GRXCR1: variants seen among roughly 807,000 people sequenced by gnomAD.
The protein encoded by GRXCR1 is glutaredoxin domain-containing cysteine-rich protein 1.
GRXCR1 carries 27 observed loss-of-function variants against 27.3 expected under a neutral mutation model. The ratio of observed to expected loss-of-function variants is 0.99; its 90% CI spans 0.73 to 1.37. The LOEUF is 1.37. Ranked by LOEUF, GRXCR1 falls within the 40% of genes most tolerant of loss-of-function variation. The pLI is 0.00. For synonymous variants in GRXCR1, 122 were observed against 131.1 expected, an observed-to-expected ratio of 0.93 and a Z score of 0.47; for missense variants, 379 against 354.4, an observed-to-expected ratio of 1.07 and a Z score of -0.56.
intron 1 of GRXCR1, among the ~76,000 whole-genome samples, chr4:42,905,375 GGATTGATTTT>G (rs1746561827): frequency 6.6e-6 from 1 of 152,100 alleles, no homozygotes; most frequent in Non-Finnish European, 1.5e-5. Context: ...GTAATTGCCT[GGATTGATTTT>G]TAATACCTTT....
intron 2 of GRXCR1, among the ~76,000 whole-genome samples, chr4:42,974,576 C>T (rs73240031): frequency 0.034 from 5,112 of 152,098 alleles, 123 homozygotes; most frequent in Non-Finnish European, 0.052. Flanking sequence ...AACTTCTTTC[C>T]TGATTAATTT....
chr4:43,004,963 T>A (rs963684451), intron 2 of GRXCR1, among the ~76,000 whole-genome samples: 7 of 152,146 alleles, frequency 4.6e-5, no homozygotes, highest in Admixed American at 1.3e-4. Context: ...AGGGGTGGAA[T>A]GACATGGTTT....
At chr4:42,951,318 A>G (rs1747877692) in intron 1 of GRXCR1, among the ~76,000 whole-genome samples, 1 of 152,214 alleles carries the variant, frequency 6.6e-6, no homozygotes, top group South Asian at 2.1e-4. Context: ...CATCTCTTCC[A>G]GAAACACCCT....
chr4:42,916,639 G>A (rs73240017), intron 1 of GRXCR1, among the ~76,000 whole-genome samples: 17 of 151,934 alleles, frequency 1.1e-4, no homozygotes, highest in South Asian at 6.2e-4. Context: ...ATCTGAAGGC[G>A]CACAATTTCC....
chr4:42,916,223 T>C (rs1746883700), intron 1 of GRXCR1, among the ~76,000 whole-genome samples: 1 of 151,916 alleles, frequency 6.6e-6, no homozygotes, highest in Non-Finnish European at 1.5e-5. Context: ...GAAGATACCA[T>C]GATGAAAGCC....
At chr4:42,968,168 C>A (rs973419825) in intron 2 of GRXCR1, among the ~76,000 whole-genome samples, 1 of 152,068 alleles carries the variant, frequency 6.6e-6, no homozygotes, top group Admixed American at 6.6e-5. Context: ...TCTGTTTCCT[C>A]AATTCAGGAA....
At chr4:43,022,017 C>T (rs1713108154) in intron 3 of GRXCR1, among the ~76,000 whole-genome samples, 1 of 152,098 alleles carries the variant, frequency 6.6e-6, no homozygotes, top group Non-Finnish European at 1.5e-5. Context: ...CTTAAAACTC[C>T]TCTTAGCTAA....
intron 2 of GRXCR1, among the ~76,000 whole-genome samples, chr4:42,965,014 G>T (rs772974200): frequency 1.1e-4 from 16 of 152,012 alleles, no homozygotes; most frequent in Non-Finnish European, 2.1e-4. Flanking sequence ...AAATTAGTGG[G>T]CAACTGCCTT....
At chr4:42,979,333 C>G (rs1748597005) in intron 2 of GRXCR1, among the ~76,000 whole-genome samples, 1 of 151,932 alleles carries the variant, frequency 6.6e-6, no homozygotes, top group African/African-American at 2.4e-5. Flanking sequence ...TGATATACGG[C>G]CTTTAGTGTT....
intron 3 of GRXCR1, among the ~76,000 whole-genome samples, chr4:43,025,162 C>T (rs956204230): frequency 2.6e-5 from 4 of 152,146 alleles, no homozygotes; most frequent in African/African-American, 7.2e-5. Context: ...GTCTATTTCA[C>T]AATCATTCAT....
In GRXCR1 at chr4:42,983,116, A is replaced by G. The variant is rs1711542114; in HGVS notation, c.627+19982A>G. On this transcript the variant is annotated intron_variant, in intron 2 of 3. Coordinates refer to ENST00000399770, the MANE Select transcript of GRXCR1 (RefSeq NM_001080476.3). Reference sequence around the variant, plus strand: ...TGCCATTGCTTTTGGTGTTTTAGACATGAAGTCCTTGCCCATGCCTATGTC... The same window carrying G: ...TGCCATTGCTTTTGGTGTTTTAGACGTGAAGTCCTTGCCCATGCCTATGTC... 3.3e-5 allele frequency among the ~76,000 whole-genome samples: 5 copies of G among 150,610 alleles called. No homozygotes were observed. In the South Asian group the frequency reaches 8.4e-4, roughly 25 times the overall value.
intron 2 of GRXCR1, among the ~76,000 whole-genome samples, chr4:43,002,221 G>T (rs200036083): frequency 6.6e-6 from 1 of 152,286 alleles, no homozygotes; most frequent in Non-Finnish European, 1.5e-5. Flanking sequence ...TATGGGTGTC[G>T]GGCTGGGGGA....
At chr4:43,014,054 C>CA (rs3047831) in intron 2 of GRXCR1, among the ~76,000 whole-genome samples, 6,739 of 123,640 alleles carry the variant, frequency 0.055, 406 homozygotes, top group African/African-American at 0.16. Flanking sequence ...TACATAATTG[C>CA]AAAAAAAAAA....
At chr4:43,005,083 C>A (rs182486075) in intron 2 of GRXCR1, among the ~76,000 whole-genome samples, 121 of 152,248 alleles carry the variant, frequency 7.9e-4, no homozygotes, top group African/African-American at 2.6e-3. Context: ...TCATGCTGTT[C>A]TCATGATAGT....
chr4:42,980,564 A>T (rs897100027), intron 2 of GRXCR1, among the ~76,000 whole-genome samples: 1 of 152,028 alleles, frequency 6.6e-6, no homozygotes, highest in Non-Finnish European at 1.5e-5. Flanking sequence ...CTAACATGTG[A>T]TCTGTCCTGA....
intron 1 of GRXCR1, among the ~76,000 whole-genome samples, chr4:42,935,007 A>C (rs1268913133): frequency 6.6e-6 from 1 of 151,976 alleles, no homozygotes; most frequent in Non-Finnish European, 1.5e-5. Context: ...GCTTCTGGTG[A>C]GGACAGAAAG....
chr4:42,908,144 G>T (rs1223115070), intron 1 of GRXCR1, among the ~76,000 whole-genome samples: 1 of 152,218 alleles, frequency 6.6e-6, no homozygotes, highest in Admixed American at 6.5e-5. Context: ...GGCAGGGCCA[G>T]TGTTCCTTCC....
chr4:42,903,371 G>A lies in GRXCR1; in HGVS notation c.384+9721G>A, dbSNP rs375320559. 5.4e-5 allele frequency among the ~76,000 whole-genome samples: 7 copies of A among 128,988 alleles called. 1 individual carries two copies. The East Asian group carries it at 1.5e-3, about 27-fold the overall frequency. The allele number at this position is 128,988 out of a possible 152,430, so 84.6% of individuals were successfully genotyped here. ...CTCTCACCCAGGCTGGAGTGCAGTG[G>A]CATGATCTCGGCTCACTGCAAGCTC... On this transcript the variant is annotated intron_variant, in intron 1 of 3. Transcript: ENST00000399770.
chr4:42,969,014 T>C (rs1642947492), intron 2 of GRXCR1, among the ~76,000 whole-genome samples: 1 of 152,148 alleles, frequency 6.6e-6, no homozygotes, highest in Admixed American at 6.6e-5. Flanking sequence ...TGTATGTGTT[T>C]CTCATTAGTT....
Sources: allele counts gnomAD v4.1 joint callset (sites outside exome capture counted in the v4.1 genomes callset), GRCh38; gene constraint gnomAD v4.1.1; transcripts MANE v1.5; gene names NCBI Gene and HGNC (gene_info 2026-07-23, HGNC 2026-07-21).